Variants in RASSF5 observed in about 807,000 individuals in gnomAD.
RASSF5 encodes ras association domain-containing protein 5.
A neutral mutation model predicts 40.5 loss-of-function variants in RASSF5; 25 were observed. That is an observed-to-expected ratio of 0.62 (90% CI 0.45 to 0.86). The LOEUF (loss-of-function observed/expected upper bound fraction) is 0.86, where lower values mean the gene tolerates loss of function less well. RASSF5 is among the 40% of genes least tolerant of loss of function. RASSF5 has a pLI of 0.00. For missense variants in RASSF5, 521 were observed against 572.8 expected, an observed-to-expected ratio of 0.91 and a Z score of 0.92; for synonymous variants, 246 against 252.4, an observed-to-expected ratio of 0.97 and a Z score of 0.24.
chr1:206,537,225 C>G (rs981818340), intron 1 of RASSF5, among the ~76,000 whole-genome samples: 19 of 152,148 alleles, frequency 1.2e-4, no homozygotes, highest in Admixed American at 2.6e-4. Context: ...CTGAGGTAGT[C>G]CCCAAAGCTC....
At chr1:206,516,525 C>A (rs936747492) in intron 1 of RASSF5, among the ~76,000 whole-genome samples, 1 of 151,922 alleles carries the variant, frequency 6.6e-6, no homozygotes, top group Non-Finnish European at 1.5e-5. Flanking sequence ...GGTGCAATCT[C>A]GGCTGACCGC....
chr1:206,542,839 C>T (rs1553399580), intron 2 of RASSF5: 3 of 152,174 alleles, frequency 2.0e-5, no homozygotes, highest in Non-Finnish European at 4.4e-5. Flanking sequence ...TTTTTCTCAG[C>T]ACACATTAAA....
intron 1 of RASSF5, among the ~76,000 whole-genome samples, chr1:206,512,869 A>G (rs1308197080): frequency 6.6e-6 from 1 of 152,218 alleles, no homozygotes; most frequent in African/African-American, 2.4e-5. Flanking sequence ...TGAAGAGCCC[A>G]AAGTGTTTTC....
intron 1 of RASSF5, chr1:206,528,857 A>G: frequency 2.2e-6 from 1 of 460,726 alleles, no homozygotes; most frequent in Admixed American, 3.8e-5. Context: ...GGGCAACATG[A>G]TGAAACCTCG....
At chr1:206,573,389 C>T (rs1158690529) in intron 2 of RASSF5, among the ~76,000 whole-genome samples, 1 of 152,306 alleles carries the variant, frequency 6.6e-6, no homozygotes, top group African/African-American at 2.4e-5. Context: ...AATACACACT[C>T]ATGTTCATCC....
intron 1 of RASSF5, among the ~76,000 whole-genome samples, chr1:206,522,744 G>C (rs1229033222): frequency 2.6e-5 from 4 of 152,078 alleles, no homozygotes; most frequent in Non-Finnish European, 5.9e-5. Flanking sequence ...ACAGTGCCAT[G>C]GTATAAGAAG....
intron 2 of RASSF5, among the ~76,000 whole-genome samples, chr1:206,573,188 T>G (rs1668511043): frequency 6.6e-6 from 1 of 152,208 alleles, no homozygotes; most frequent in Non-Finnish European, 1.5e-5. Context: ...AGTCTCCGTG[T>G]GGTGGCTCAT....
intron 1 of RASSF5, among the ~76,000 whole-genome samples, chr1:206,510,746 G>A (rs1666594043): frequency 2.0e-5 from 3 of 152,142 alleles, no homozygotes. Flanking sequence ...CTGGCATAGG[G>A]GCCACGAAGC....
intron 2 of RASSF5, among the ~76,000 whole-genome samples, chr1:206,582,791 T>C (rs1244264780): frequency 6.6e-6 from 1 of 152,234 alleles, no homozygotes; most frequent in Non-Finnish European, 1.5e-5. Context: ...TAGTATATAC[T>C]GGCACCATGG....
chr1:206,510,988 T>C (rs1480397024), intron 1 of RASSF5, among the ~76,000 whole-genome samples: 1 of 152,158 alleles, frequency 6.6e-6, no homozygotes, highest in Non-Finnish European at 1.5e-5. Context: ...GGAAAGCATT[T>C]TGGAAAACAC....
At chr1:206,517,910 A>C (rs1930439) in intron 1 of RASSF5, among the ~76,000 whole-genome samples, 3,931 of 152,046 alleles carry the variant, frequency 0.026, 81 homozygotes, top group Non-Finnish European at 0.036. Flanking sequence ...TTAGCATGGG[A>C]GGATGTGAAT....
intron 1 of RASSF5, chr1:206,518,624 A>G (rs1456819007): frequency 1.0e-5 from 4 of 388,370 alleles, no homozygotes; most frequent in Non-Finnish European, 1.8e-5. Context: ...AAAGGAGTAC[A>G]GGATCTTTCT....
intron 2 of RASSF5, among the ~76,000 whole-genome samples, chr1:206,573,486 C>T (rs1668525666): frequency 1.3e-5 from 2 of 152,206 alleles, no homozygotes; most frequent in African/African-American, 2.4e-5. Context: ...ACGGGTGCTT[C>T]TCTCACGGAA....
intron 2 of RASSF5, among the ~76,000 whole-genome samples, chr1:206,547,293 AG>A (rs1382487701): frequency 1.3e-5 from 2 of 152,088 alleles, no homozygotes; most frequent in Non-Finnish European, 2.9e-5. Flanking sequence ...GCATAGCAGG[AG>A]GTGAGCAGTT....
intron 2 of RASSF5, among the ~76,000 whole-genome samples, chr1:206,549,732 G>A (rs967500761): frequency 3.9e-5 from 6 of 152,166 alleles, no homozygotes; most frequent in Non-Finnish European, 8.8e-5. Context: ...CCTCAGTCTA[G>A]GGCTAATTAT....
chr1:206,582,731 A>C (rs988832428), intron 2 of RASSF5, among the ~76,000 whole-genome samples: 1 of 152,184 alleles, frequency 6.6e-6, no homozygotes, highest in Non-Finnish European at 1.5e-5. Context: ...ACTGGTCTCT[A>C]TGTGTCCTTG....
intron 1 of RASSF5, among the ~76,000 whole-genome samples, chr1:206,537,490 G>A (rs1483915373): frequency 6.6e-6 from 1 of 152,170 alleles, no homozygotes; most frequent in Admixed American, 6.5e-5. Context: ...CTAGAAGCAG[G>A]CAGGGGAGCT....
chr1:206,542,606 C>T (rs1553399540), intron 2 of RASSF5: 4 of 152,280 alleles, frequency 2.6e-5, no homozygotes, highest in African/African-American at 9.6e-5. Context: ...GGAAACCAGG[C>T]TCCCAGGCCC....
At chr1:206,553,194 A>G (rs1319647952) in intron 2 of RASSF5, among the ~76,000 whole-genome samples, 4 of 152,140 alleles carry the variant, frequency 2.6e-5, no homozygotes, top group Non-Finnish European at 4.4e-5. Context: ...AGAGAAAGAC[A>G]CTGTCAAAAA....
Sources: allele counts gnomAD v4.1 joint callset (sites outside exome capture counted in the v4.1 genomes callset), GRCh38; gene constraint gnomAD v4.1.1; transcripts MANE v1.5; gene names NCBI Gene and HGNC (gene_info 2026-07-23, HGNC 2026-07-21).